CDC42BPA: variants seen among roughly 807,000 people sequenced by gnomAD.
The protein encoded by CDC42BPA is CDC42 binding protein kinase alpha.
CDC42BPA carries 80 observed loss-of-function variants against 223.5 expected under a neutral mutation model. The ratio of observed to expected loss-of-function variants is 0.36; its 90% CI spans 0.30 to 0.43. CDC42BPA has a LOEUF of 0.43. Ranked by LOEUF, CDC42BPA falls within the 20% of genes least tolerant of loss-of-function variation. The probability of loss-of-function intolerance (pLI) is 1.00; values close to 1 mark genes in which losing one functional copy is unlikely to be tolerated. For missense variants in CDC42BPA, 1,743 were observed against 2,099.9 expected, an observed-to-expected ratio of 0.83 and a Z score of 3.32; for synonymous variants, 694 against 718.6, an observed-to-expected ratio of 0.97 and a Z score of 0.55.
At chr1:226,999,322 G>T (rs1032333998) in intron 35 of CDC42BPA, among the ~76,000 whole-genome samples, 2 of 151,886 alleles carry the variant, frequency 1.3e-5, no homozygotes, top group Non-Finnish European at 2.9e-5. Context: ...GACTACAGGC[G>T]CCCGCCACCA....
Position 227,114,187 on chromosome 1 carries a change from G to A in CDC42BPA, c.1648-1274C>T, listed in dbSNP as rs79134894. On this transcript the variant is annotated intron_variant, in intron 12 of 36. Coordinates refer to ENST00000366766, the MANE Select transcript of CDC42BPA (RefSeq NM_001394014.1). ...TAATACCAAAGAGAAATAAAAGACC[G>A]TAAAGAAATCAGAGGGAAAGAAAGA... 9.5e-4 allele frequency among the ~76,000 whole-genome samples: 144 copies of A among 152,020 alleles called. No individual in the cohort carries two copies. In the East Asian group the frequency reaches 0.02, roughly 21 times the overall value.
At chr1:227,238,369 ACG>A (rs796897985) in intron 2 of CDC42BPA, among the ~76,000 whole-genome samples, 8 of 151,792 alleles carry the variant, frequency 5.3e-5, no homozygotes, top group East Asian at 1.9e-4. Context: ...ACAAACAAAC[ACG>A]ACATCTAAAC....
chr1:227,171,064 A>G (rs1477594372), intron 5 of CDC42BPA, among the ~76,000 whole-genome samples: 2 of 152,220 alleles, frequency 1.3e-5, no homozygotes, highest in Non-Finnish European at 2.9e-5. Flanking sequence ...AATTGTCAAT[A>G]AAAGGAGTGA....
In CDC42BPA at chr1:227,000,013, G is replaced by C. The variant is rs192915770; in HGVS notation, c.4975+4981C>G. On this transcript the variant is annotated intron_variant, in intron 35 of 36. Transcript: ENST00000366766. The stretch of plus-strand genomic sequence containing the variant: ...TACCTAATGTAGATGACGGGTTGAT[G>C]GGTGCAGCAAACTACCATGGCACAT... Among the ~76,000 whole-genome samples, 337 of 151,972 alleles carry C rather than the reference G, an allele frequency of 2.2e-3. 3 individuals carry two copies. The highest frequency in any genetic ancestry group is 3.2e-3 in the Non-Finnish European group (220 of 67,998).
intron 1 of CDC42BPA, among the ~76,000 whole-genome samples, chr1:227,288,626 G>A (rs568360053): frequency 1.3e-5 from 2 of 151,984 alleles, no homozygotes; most frequent in Admixed American, 1.3e-4. Context: ...AACCCGGGAG[G>A]CGGGGGTTGC....
chr1:227,145,626 C>T lies in CDC42BPA; in HGVS notation c.1006G>A (p.Asp336Asn), dbSNP rs200168774. The T allele has an allele frequency of 2.5e-6, 4 of 1,613,708 alleles. No homozygotes were observed. The highest frequency in any genetic ancestry group is 3.4e-6 in the Non-Finnish European group (4 of 1,179,854). ...EHRLGQNGIE[D>N]FKKHPFFSGI... ...CTGAAAAATGGGTGTTTCTTAAAGT[C>T]TTCTATTCCATTTTGACCAAGTCGA... The change falls in exon 8 of 37, where the codon GAC becomes AAC. Residue 336 changes from aspartate (D) to asparagine (N), a missense_variant. By Grantham distance (23) the Asp-to-Asn change is conservative. Transcript: ENST00000366766.
intron 1 of CDC42BPA, among the ~76,000 whole-genome samples, chr1:227,295,202 C>G (rs1690460056): frequency 6.6e-6 from 1 of 151,954 alleles, no homozygotes; most frequent in African/African-American, 2.4e-5. Flanking sequence ...AGGTTCTCAC[C>G]CAGGCTAGGG....
intron 5 of CDC42BPA, among the ~76,000 whole-genome samples, chr1:227,172,740 T>G (rs561405253): frequency 2.7e-4 from 41 of 152,276 alleles, no homozygotes; most frequent in African/African-American, 9.6e-4. Context: ...GATTCCAAAC[T>G]TATTTCAAAA....
chr1:227,090,557 T>A (rs1682880922), intron 16 of CDC42BPA, among the ~76,000 whole-genome samples: 1 of 152,172 alleles, frequency 6.6e-6, no homozygotes, highest in African/African-American at 2.4e-5. Context: ...ACGCCTGTAA[T>A]CCCAGCATTT....
chr1:227,293,821 A>G (rs1690129258), intron 1 of CDC42BPA, among the ~76,000 whole-genome samples: 1 of 152,106 alleles, frequency 6.6e-6, no homozygotes, highest in Admixed American at 6.5e-5. Flanking sequence ...TAGAAAAACA[A>G]AATCTATTTC....
chr1:227,253,740 G>C (rs931009265), intron 2 of CDC42BPA, among the ~76,000 whole-genome samples: 2 of 151,918 alleles, frequency 1.3e-5, no homozygotes, highest in African/African-American at 4.8e-5. Context: ...ACACTACCAG[G>C]TATCAAGATT....
chr1:227,133,999 A>AT (rs1553355407), intron 10 of CDC42BPA, among the ~76,000 whole-genome samples: 119 of 148,252 alleles, frequency 8.0e-4, no homozygotes, highest in Middle Eastern at 7.1e-3. Flanking sequence ...AAATAAATAA[A>AT]AAAGAAATTC....
intron 5 of CDC42BPA, among the ~76,000 whole-genome samples, chr1:227,164,196 CCA>C (rs1572078516): frequency 1.3e-5 from 2 of 152,120 alleles, no homozygotes; most frequent in East Asian, 3.8e-4. Context: ...TGCACCAATA[CCA>C]CAGTGTCTTA....
intron 20 of CDC42BPA, among the ~76,000 whole-genome samples, chr1:227,071,448 T>C (rs1678317328): frequency 6.6e-6 from 1 of 151,832 alleles, no homozygotes; most frequent in Non-Finnish European, 1.5e-5. Flanking sequence ...ACATCCACAT[T>C]AAGGAAAGTT....
At chr1:227,198,060 C>G (rs1671041738) in intron 4 of CDC42BPA, among the ~76,000 whole-genome samples, 1 of 152,048 alleles carries the variant, frequency 6.6e-6, no homozygotes. Flanking sequence ...TATGATAATT[C>G]AGTATATTAT....
chr1:227,292,869 T>TAC (rs1460025684), intron 1 of CDC42BPA, among the ~76,000 whole-genome samples: 1 of 152,200 alleles, frequency 6.6e-6, no homozygotes, highest in Non-Finnish European at 1.5e-5. Flanking sequence ...CTGAACATTC[T>TAC]ACCTGGATGT....
At chr1:227,250,142 G>A (rs535280966) in intron 2 of CDC42BPA, among the ~76,000 whole-genome samples, 2 of 152,088 alleles carry the variant, frequency 1.3e-5, no homozygotes, top group East Asian at 1.9e-4. Context: ...AATATCTCAC[G>A]TACTCCATAA....
intron 16 of CDC42BPA, among the ~76,000 whole-genome samples, chr1:227,082,114 A>AC (rs1484692210): frequency 1.3e-5 from 2 of 151,388 alleles, no homozygotes; most frequent in Middle Eastern, 3.4e-3. Context: ...TACAACCTCC[A>AC]CCTCCTAGGC....
intron 2 of CDC42BPA, among the ~76,000 whole-genome samples, chr1:227,224,985 A>T (rs1183013457): frequency 1.3e-5 from 2 of 152,218 alleles, no homozygotes; most frequent in African/African-American, 4.8e-5. Context: ...GAGGGAAAAA[A>T]AATCTTTATA....
Sources: allele counts gnomAD v4.1 joint callset (sites outside exome capture counted in the v4.1 genomes callset), GRCh38; gene constraint gnomAD v4.1.1; transcripts MANE v1.5; gene names NCBI Gene and HGNC (gene_info 2026-07-23, HGNC 2026-07-21).